Variants in KLC2 observed in about 807,000 individuals in gnomAD.
KLC2 encodes the protein kinesin light chain 2, also known as KLC 2.
Under a neutral mutation model 75.1 loss-of-function variants are expected in KLC2, and 35 were observed. The observed-to-expected ratio is 0.47, with a 90% CI of 0.36 to 0.62. KLC2 has a LOEUF of 0.62. KLC2 is among the 20% of genes least tolerant of loss of function. KLC2 has a pLI of 0.00. For synonymous variants in KLC2, 314 were observed against 336.7 expected, an observed-to-expected ratio of 0.93 and a Z score of 0.74; for missense variants, 611 against 833.2, an observed-to-expected ratio of 0.73 and a Z score of 3.28.
At position 66,267,716 on chromosome 11, in the gene KLC2, G is replaced by T; in HGVS notation, c.*760G>T. 1 of 510,402 alleles carries T rather than the reference G, an allele frequency of 2.0e-6. No homozygotes were observed. Among genetic ancestry groups the T allele is most frequent in the Non-Finnish European group, 3.4e-6 (1 of 290,858 alleles). 31.6% of individuals were successfully genotyped at this position (510,402 alleles called of 1,614,324 possible). On this transcript the variant is annotated 3_prime_UTR_variant, in exon 16 of 16. Transcript: ENST00000394067. ...CGGGCACCGCCCACCGAGCCATCCT[G>T]CCTCGCCTCCCCCCACGCCTGCAGC... is the stretch of plus-strand genomic sequence containing the variant.
chr11:66,264,982 C>T, intron 9 of KLC2, 41 bp from the exon 10 acceptor site: 2 of 1,605,228 alleles, frequency 1.2e-6, no homozygotes, highest in Non-Finnish European at 8.5e-7. Context: ...CCAGGTGAGA[C>T]CTATATGGTA....
At chr11:66,260,993 A>T (rs1474796540) in intron 2 of KLC2, 1 of 150,972 alleles carries the variant, frequency 6.6e-6, no homozygotes, top group Non-Finnish European at 1.5e-5. Flanking sequence ...TGGAAGGTAG[A>T]GGCTGCAGTG....
the KLC2 span, among the ~76,000 whole-genome samples, chr11:66,248,970 C>T: frequency 1.3e-5 from 2 of 152,108 alleles, no homozygotes; most frequent in African/African-American, 4.8e-5. Flanking sequence ...GTTATCGATC[C>T]TCCTACCTTG....
At chr11:66,262,740 A>C (rs1443999303) in intron 4 of KLC2, 74 bp from the exon 5 acceptor site, 4 of 1,111,420 alleles carry the variant, frequency 3.6e-6, no homozygotes, top group Non-Finnish European at 5.3e-6. Context: ...AGTGGCTCAA[A>C]GGCACAGCTG....
chr11:66,264,487 G>C (rs138072891), intron 9 of KLC2, 43 bp downstream of exon 9: 2 of 1,385,082 alleles, frequency 1.4e-6, no homozygotes, highest in African/African-American at 2.8e-5. Context: ...ATCCATCCCA[G>C]GCCCACTCTG....
chr11:66,265,314 C>A, intron 11 of KLC2, 79 bp downstream of exon 11: 1 of 1,245,002 alleles, frequency 8.0e-7, no homozygotes, highest in Non-Finnish European at 1.2e-6. Context: ...CCCCAACACA[C>A]CCCTCCTCTG....
At chr11:66,250,880 T>C in the KLC2 span, among the ~76,000 whole-genome samples, 1 of 152,222 alleles carries the variant, frequency 6.6e-6, no homozygotes, top group African/African-American at 2.4e-5. Flanking sequence ...GTCTAGGCCC[T>C]GAGGAACCTC....
chr11:66,265,866 G>A lies in KLC2; in HGVS notation c.1456G>A (p.Ala486Thr), dbSNP rs548909140. The A allele has an allele frequency of 1.1e-5, 18 of 1,574,992 alleles. No individual in the cohort carries two copies. Among genetic ancestry groups the A allele is most frequent in the South Asian group, 9.4e-5 (8 of 85,216 alleles). ...SRNRKQGLDP[A>T]SQTKVVELLK... ...GCCCCTCCCTCAGGGTTTGGACCCC[G>A]CAAGCCAGACCAAGGTGGTAGAACT... The change falls in exon 13 of 16, where the codon GCA becomes ACA. Residue 486 changes from alanine to threonine, a missense_variant. Ala to Thr is a moderately conservative substitution (Grantham distance 58). Coordinates refer to ENST00000394067, the MANE Select transcript of KLC2 (RefSeq NM_001318734.2).
chr11:66,267,721 G>A lies in KLC2; in HGVS notation c.*765G>A, dbSNP rs1856944515. ...ACCGCCCACCGAGCCATCCTGCCTC[G>A]CCTCCCCCCACGCCTGCAGCTTCTC... On this transcript the variant is annotated 3_prime_UTR_variant, in exon 16 of 16. Coordinates refer to ENST00000394067, the MANE Select transcript of KLC2 (RefSeq NM_001318734.2). 6.0e-6 allele frequency: 3 copies of A among 496,674 alleles called. No individual in the cohort carries two copies. Among genetic ancestry groups the A allele is most frequent in the South Asian group, 3.1e-5 (1 of 31,802 alleles). 30.8% of individuals were successfully genotyped at this position (496,674 alleles called of 1,614,324 possible). A position where few individuals can be genotyped will look rare whatever the true frequency, so the allele number is the denominator to read the frequency against.
In KLC2 at chr11:66,263,681, G is replaced by A; in HGVS notation, c.774G>A (p.Glu258=). ...CCAGGGATCAGAACAAGTACAAGGA[G>A]GCTGCCCACCTGCTCAATGATGCTC... The part of the protein sequence containing the change: ...LVYRDQNKYK[E]AAHLLNDALA... Residue 258 remains glutamate, a synonymous_variant, in exon 6 of 16, where the codon GAG becomes GAA. Transcript: ENST00000394067. 1 of 1,613,954 alleles carries A rather than the reference G, an allele frequency of 6.2e-7. No individual in the cohort carries two copies. Among genetic ancestry groups the A allele is most frequent in the Non-Finnish European group, 8.5e-7 (1 of 1,179,836 alleles).
chr11:66,265,443 C>T (rs969241783), intron 11 of KLC2: 1 of 664,516 alleles, frequency 1.5e-6, no homozygotes, highest in Non-Finnish European at 2.6e-6. Context: ...GTGACAACAT[C>T]CCATGAGGGC....
chr11:66,261,914 AGCAGCACTTGCTGTTCAT>A lies in KLC2; in HGVS notation c.403_420del (p.Gln135_Met140del). 6 of 1,614,210 alleles carry A rather than the reference AGCAGCACTTGCTGTTCAT, an allele frequency of 3.7e-6. No individual in the cohort carries two copies. Among genetic ancestry groups the A allele is most frequent in the Non-Finnish European group, 5.1e-6 (6 of 1,180,040 alleles). On this transcript the variant is annotated inframe_deletion, in exon 3 of 16. Transcript: ENST00000394067. ...GCCGTGGCCCAGCTCGAGGAGGAGA[AGCAGCACTTGCTGTTCAT>A]GAGCCAGATCCGCAAGTTGGATGAA...
At chr11:66,256,750 C>T (rs1405556472), upstream of KLC2, among the ~76,000 whole-genome samples, 1 of 152,160 alleles carries the variant, frequency 6.6e-6, no homozygotes, top group African/African-American at 2.4e-5. Context: ...AGAGGGTCTT[C>T]ACTTGTGTCA....
chr11:66,253,552 G>A (rs1177495422), upstream of KLC2, among the ~76,000 whole-genome samples: 4 of 152,148 alleles, frequency 2.6e-5, no homozygotes. Flanking sequence ...AATCACCACT[G>A]GGCATGGATT....
At chr11:66,249,884 G>A in the KLC2 span, among the ~76,000 whole-genome samples, 2 of 152,050 alleles carry the variant, frequency 1.3e-5, no homozygotes, top group Admixed American at 1.3e-4. Flanking sequence ...CCTCCCAAAC[G>A]CTGTTTCCAA....
rs558878792 is a variant in KLC2 at position 66,264,264 on chromosome 11, C to A, written c.1116+45C>A. On this transcript the variant is annotated intron_variant, in intron 8 of 15. Transcript: ENST00000394067. The stretch of plus-strand genomic sequence containing the variant: ...AGCTGGAGGATGGGAAGGAGGGAGG[C>A]AGGGATGAGGTTGGGGAAGAAGGAG... The A allele has an allele frequency of 1.1e-4, 165 of 1,563,032 alleles. 1 individual carries two copies. The South Asian group carries it at 1.8e-3, about 17-fold the overall frequency.
chr11:66,263,851 G>A lies in KLC2; in HGVS notation c.841G>A (p.Val281Met), dbSNP rs1057055113. 6.2e-7 allele frequency: 1 copy of A among 1,613,980 alleles called. No homozygotes were observed. The highest frequency in any genetic ancestry group is 2.2e-5 in the East Asian group (1 of 44,876). ...EKTLGKDHPA[V>M]AATLNNLAVL... ...GAAGCTTCCGTTCTCCCACCTCCAG[G>A]TGGCTGCGACACTAAACAACCTGGC... Residue 281 changes from valine to methionine, a missense_variant and splice_region_variant, in exon 7 of 16, where the codon GTG (valine) becomes ATG (methionine). Transcript: ENST00000394067.
At chr11:66,250,347 C>T in the KLC2 span, among the ~76,000 whole-genome samples, 1 of 152,146 alleles carries the variant, frequency 6.6e-6, no homozygotes, top group Non-Finnish European at 1.5e-5. Flanking sequence ...AAGGTTGGTT[C>T]AGTGCATGAG....
At chr11:66,257,431 T>G (rs543923984), upstream of KLC2, 50 of 152,422 alleles carry the variant, frequency 3.3e-4, no homozygotes, top group African/African-American at 1.2e-3. Context: ...AAGCCCAACC[T>G]TCTCCCTGCG....
Sources: allele counts gnomAD v4.1 joint callset (sites outside exome capture counted in the v4.1 genomes callset), GRCh38; gene constraint gnomAD v4.1.1; transcripts MANE v1.5; gene names NCBI Gene and HGNC (gene_info 2026-07-23, HGNC 2026-07-21).